Variants in GTF2E2 observed in about 807,000 individuals in gnomAD.
GTF2E2 encodes general transcription factor IIE subunit 2, also known as transcription initiation factor IIE subunit beta.
A neutral mutation model predicts 40.5 loss-of-function variants in GTF2E2; 21 were observed. The observed-to-expected ratio is 0.52, with a 90% CI of 0.37 to 0.75. The LOEUF is 0.75. Among genes scored for constraint, GTF2E2 ranks in the 30% least tolerant of loss-of-function variants. GTF2E2 has a pLI of 0.00. For synonymous variants in GTF2E2, 117 were observed against 121.6 expected, an observed-to-expected ratio of 0.96 and a Z score of 0.25; for missense variants, 298 against 338.4, an observed-to-expected ratio of 0.88 and a Z score of 0.94.
chr8:30,644,188 C>T (rs1170194468), intron 2 of GTF2E2, among the ~76,000 whole-genome samples: 1 of 152,188 alleles, frequency 6.6e-6, no homozygotes, highest in Non-Finnish European at 1.5e-5. Flanking sequence ...TAACAGTCCC[C>T]ATTTAAGAGC....
At chr8:30,584,306 T>G (rs1828609601) in intron 6 of GTF2E2, among the ~76,000 whole-genome samples, 1 of 152,164 alleles carries the variant, frequency 6.6e-6, no homozygotes, top group East Asian at 1.9e-4. Context: ...AATGATTTCT[T>G]CAAGGATTCC....
chr8:30,606,177 C>T (rs959752279), intron 6 of GTF2E2, among the ~76,000 whole-genome samples: 1 of 152,152 alleles, frequency 6.6e-6, no homozygotes, highest in Non-Finnish European at 1.5e-5. Context: ...GAATATTCTG[C>T]ACATTTTTAT....
In GTF2E2 at chr8:30,612,601, A is replaced by G. The variant is rs3779643; in HGVS notation, c.367-120T>C. 159,141 of 484,556 alleles carry G rather than the reference A, an allele frequency of 0.33. 26,741 individuals carry two copies. The highest frequency in any genetic ancestry group is 0.4 in the African/African-American group (20,377 of 50,864). The allele number at this position is 484,556 out of a possible 1,614,324, so 30.0% of individuals were successfully genotyped here. A position where few individuals can be genotyped will look rare whatever the true frequency, so the allele number is the denominator to read the frequency against. ...GAGTGCAGTGGCGTGATCTCAGCTC[A>G]CTGCAACCTCCGCCTCCTGGGTTCA... On this transcript the variant is annotated intron_variant, in intron 4 of 7. Transcript: ENST00000355904.
At chr8:30,599,693 A>T (rs751929398) in intron 6 of GTF2E2, among the ~76,000 whole-genome samples, 2 of 152,182 alleles carry the variant, frequency 1.3e-5, no homozygotes, top group African/African-American at 4.8e-5. Flanking sequence ...CATTTAAAAA[A>T]TAACGATCAG....
At chr8:30,657,733 G>A (rs1237439131) in intron 1 of GTF2E2, 4 of 152,370 alleles carry the variant, frequency 2.6e-5, no homozygotes, top group African/African-American at 7.2e-5. Flanking sequence ...GCACAGTCAG[G>A]CGGCAGACCG....
At chr8:30,581,938 G>A (rs922829692) in intron 6 of GTF2E2, among the ~76,000 whole-genome samples, 9 of 152,122 alleles carry the variant, frequency 5.9e-5, no homozygotes, top group Non-Finnish European at 1.0e-4. Flanking sequence ...AGACTTCAAC[G>A]ATTTGACTAC....
At chr8:30,603,484 T>C (rs1829238666) in intron 6 of GTF2E2, among the ~76,000 whole-genome samples, 1 of 151,702 alleles carries the variant, frequency 6.6e-6, no homozygotes, top group Admixed American at 6.6e-5. Context: ...CCAGAGGTTA[T>C]GACAGTCAGA....
chr8:30,609,274 A>G (rs984290625), intron 5 of GTF2E2, among the ~76,000 whole-genome samples: 1 of 90,738 alleles, frequency 1.1e-5, no homozygotes, highest in Admixed American at 1.2e-4. Flanking sequence ...TCAAAAAAAA[A>G]AAAAAAGAGA....
chr8:30,614,887 T>C (rs1800870331), intron 3 of GTF2E2, among the ~76,000 whole-genome samples, 172 bp from the exon 4 acceptor site: 2 of 152,130 alleles, frequency 1.3e-5, no homozygotes. Flanking sequence ...TTGAAACTCA[T>C]TGCTCTATAA....
chr8:30,621,964 TTA>T (rs199808043), intron 3 of GTF2E2, among the ~76,000 whole-genome samples: 2,181 of 119,424 alleles, frequency 0.018, 83 homozygotes, highest in African/African-American at 0.089. Context: ...TAGGGGGTTC[TTA>T]TATATATATA....
chr8:30,586,766 T>C (rs978458357), intron 6 of GTF2E2, among the ~76,000 whole-genome samples: 1 of 152,092 alleles, frequency 6.6e-6, no homozygotes, highest in Admixed American at 6.6e-5. Flanking sequence ...AAAAGGACAG[T>C]CTCTTCAATA....
At chr8:30,588,105 C>G (rs1166569354) in intron 6 of GTF2E2, among the ~76,000 whole-genome samples, 1 of 152,098 alleles carries the variant, frequency 6.6e-6, no homozygotes, top group Non-Finnish European at 1.5e-5. Flanking sequence ...AGAGGGAACA[C>G]CTGTACACTG....
At chr8:30,593,902 A>T (rs1416619181) in intron 6 of GTF2E2, among the ~76,000 whole-genome samples, 2 of 151,952 alleles carry the variant, frequency 1.3e-5, no homozygotes, top group East Asian at 3.9e-4. Flanking sequence ...ACATGCTTTT[A>T]CTTTTAACCT....
At chr8:30,622,048 T>C (rs548727237) in intron 3 of GTF2E2, among the ~76,000 whole-genome samples, 7 of 151,926 alleles carry the variant, frequency 4.6e-5, no homozygotes, top group African/African-American at 1.2e-4. Flanking sequence ...TATGTATACA[T>C]GTGCCATGTT....
At chr8:30,625,459 A>G (rs958409236) in intron 3 of GTF2E2, among the ~76,000 whole-genome samples, 2 of 152,054 alleles carry the variant, frequency 1.3e-5, no homozygotes, top group Non-Finnish European at 2.9e-5. Flanking sequence ...AAAAATAAAC[A>G]TTTTCTAAAT....
chr8:30,637,807 C>G (rs1349547841), intron 2 of GTF2E2, among the ~76,000 whole-genome samples: 1 of 152,218 alleles, frequency 6.6e-6, no homozygotes, highest in Non-Finnish European at 1.5e-5. Context: ...AGGCATGGGC[C>G]ACCGCTCCCA....
chr8:30,610,619 C>T (rs758838311), intron 5 of GTF2E2, among the ~76,000 whole-genome samples: 1 of 152,066 alleles, frequency 6.6e-6, no homozygotes, highest in Non-Finnish European at 1.5e-5. Context: ...GTCTCTTCAT[C>T]AAGACACTGA....
At chr8:30,655,445 G>A (rs953158664) in intron 1 of GTF2E2, among the ~76,000 whole-genome samples, 19 of 152,272 alleles carry the variant, frequency 1.2e-4, no homozygotes, top group Middle Eastern at 3.4e-3. Flanking sequence ...ACACTGTTAA[G>A]ACTAGTGTCA....
chr8:30,621,976 ATATTT>A (rs1801116088), intron 3 of GTF2E2, among the ~76,000 whole-genome samples: 1 of 111,614 alleles, frequency 9.0e-6, no homozygotes. Context: ...ATATATATAT[ATATTT>A]TTTTATTATA....
Sources: allele counts gnomAD v4.1 joint callset (sites outside exome capture counted in the v4.1 genomes callset), GRCh38; gene constraint gnomAD v4.1.1; transcripts MANE v1.5; gene names NCBI Gene and HGNC (gene_info 2026-07-23, HGNC 2026-07-21).